LRRC4C: variants seen among roughly 807,000 people sequenced by gnomAD.
LRRC4C encodes the protein leucine-rich repeat-containing protein 4C.
LRRC4C carries 5 observed loss-of-function variants against 33.6 expected under a neutral mutation model. The ratio of observed to expected loss-of-function variants is 0.15; its 90% CI spans 0.08 to 0.31. The LOEUF is 0.31. LRRC4C is among the 10% of genes least tolerant of loss of function. The probability of loss-of-function intolerance (pLI) is 1.00; values close to 1 mark genes in which losing one functional copy is unlikely to be tolerated. For missense variants in LRRC4C, 560 were observed against 796.7 expected (o/e 0.70, Z 3.58); for synonymous variants, 329 against 302.0 (o/e 1.09, Z -0.93).
intron 2 of LRRC4C, among the ~76,000 whole-genome samples, chr11:40,732,729 T>C (rs1947654393): frequency 1.3e-5 from 2 of 152,208 alleles, no homozygotes; most frequent in African/African-American, 4.8e-5. Flanking sequence ...TTTAATCTTT[T>C]TAAAGTTAAC....
chr11:40,904,391 T>G (rs1000679111), intron 2 of LRRC4C, among the ~76,000 whole-genome samples: 5 of 151,548 alleles, frequency 3.3e-5, no homozygotes, highest in Non-Finnish European at 7.4e-5. Context: ...ATAGCACATC[T>G]GCTGGCAAAA....
chr11:40,551,795 G>A (rs1957136870), intron 3 of LRRC4C, among the ~76,000 whole-genome samples: 1 of 152,216 alleles, frequency 6.6e-6, no homozygotes, highest in South Asian at 2.1e-4. Flanking sequence ...ATTCAACTCA[G>A]AGAAGAAGTT....
intron 2 of LRRC4C, among the ~76,000 whole-genome samples, chr11:40,760,627 T>C (rs1362248759): frequency 5.3e-5 from 8 of 151,244 alleles, no homozygotes; most frequent in Non-Finnish European, 8.8e-5. Flanking sequence ...TTTTTATTTT[T>C]TGAGATGGGG....
At chr11:40,130,374 A>G (rs1017444483) in intron 6 of LRRC4C, among the ~76,000 whole-genome samples, 6 of 151,566 alleles carry the variant, frequency 4.0e-5, no homozygotes, top group African/African-American at 1.5e-4. Flanking sequence ...TTTTTTCTTC[A>G]AGTTCAAGGG....
At chr11:40,803,886 C>T (rs904112413) in intron 2 of LRRC4C, among the ~76,000 whole-genome samples, 7 of 152,152 alleles carry the variant, frequency 4.6e-5, no homozygotes, top group Non-Finnish European at 1.0e-4. Context: ...GACTATCTAT[C>T]CACTCAAGCA....
intron 2 of LRRC4C, among the ~76,000 whole-genome samples, chr11:40,698,172 A>G (rs1945674924): frequency 6.6e-6 from 1 of 152,092 alleles, no homozygotes; most frequent in African/African-American, 2.4e-5. Context: ...AAACAAATGA[A>G]CATTTAAAAA....
intron 1 of LRRC4C, among the ~76,000 whole-genome samples, chr11:41,427,030 A>C (rs1036565955): frequency 4.1e-4 from 63 of 152,302 alleles, no homozygotes; most frequent in African/African-American, 1.4e-3. Flanking sequence ...CCAATTTGAT[A>C]ATTTCAGGGA....
intron 1 of LRRC4C, among the ~76,000 whole-genome samples, chr11:41,225,786 T>A (rs562861250): frequency 1.3e-5 from 2 of 152,264 alleles, no homozygotes; most frequent in East Asian, 3.9e-4. Flanking sequence ...CTTTTCTGTG[T>A]CTTAAGCCTA....
intron 1 of LRRC4C, among the ~76,000 whole-genome samples, chr11:41,081,880 A>G (rs934394286): frequency 3.9e-5 from 6 of 152,190 alleles, no homozygotes; most frequent in African/African-American, 9.6e-5. Flanking sequence ...TTAATTATGC[A>G]TAAAAACGAG....
At chr11:40,984,350 GAGAAAGAAAGAAAAAAGAAAGAA>G (rs1432663202) in intron 1 of LRRC4C, among the ~76,000 whole-genome samples, 2 of 96,192 alleles carry the variant, frequency 2.1e-5, no homozygotes, top group South Asian at 6.8e-4. Flanking sequence ...AAGTAGGAAA[GAGAAAGAAAGAAAAAAGAAAGAA>G]AGAAAGAAAG....
chr11:41,049,247 G>C (rs945976904), intron 1 of LRRC4C, among the ~76,000 whole-genome samples: 2 of 152,092 alleles, frequency 1.3e-5, no homozygotes, highest in Non-Finnish European at 2.9e-5. Flanking sequence ...GGTTTTATAA[G>C]GGGTTTCCTT....
intron 3 of LRRC4C, among the ~76,000 whole-genome samples, chr11:40,565,879 A>G (rs571566017): frequency 4.6e-5 from 7 of 152,088 alleles, no homozygotes; most frequent in Admixed American, 6.6e-5. Context: ...GACAATTTCT[A>G]TAATTCAGAA....
intron 5 of LRRC4C, among the ~76,000 whole-genome samples, chr11:40,142,235 T>A (rs922650866): frequency 1.6e-5 from 2 of 128,894 alleles, no homozygotes; most frequent in South Asian, 5.0e-4. Context: ...GCCAAGATCA[T>A]GCCACTGCAC....
At chr11:40,962,542 G>T (rs571162570) in intron 1 of LRRC4C, among the ~76,000 whole-genome samples, 3 of 151,640 alleles carry the variant, frequency 2.0e-5, no homozygotes, top group African/African-American at 7.3e-5. Context: ...ACTTAAATAC[G>T]GATAAAATCA....
chr11:40,814,195 C>T (rs1374374663), intron 2 of LRRC4C, among the ~76,000 whole-genome samples: 1 of 152,228 alleles, frequency 6.6e-6, no homozygotes. Flanking sequence ...GCTGCCTGAA[C>T]ATTCAGGCAT....
intron 1 of LRRC4C, among the ~76,000 whole-genome samples, chr11:40,958,076 T>C (rs1246142033): frequency 6.6e-6 from 1 of 151,638 alleles, no homozygotes; most frequent in African/African-American, 2.4e-5. Flanking sequence ...GAAGACACAG[T>C]GAGAAGACAG....
At chr11:40,426,354 T>A (rs975046219) in intron 3 of LRRC4C, among the ~76,000 whole-genome samples, 20 of 149,738 alleles carry the variant, frequency 1.3e-4, no homozygotes, top group African/African-American at 4.9e-4. Flanking sequence ...ACAACTCTCA[T>A]ATTCCTCACT....
intron 1 of LRRC4C, among the ~76,000 whole-genome samples, chr11:41,256,329 A>C (rs958305213): frequency 6.6e-6 from 1 of 151,974 alleles, no homozygotes; most frequent in Non-Finnish European, 1.5e-5. Context: ...GAAGTAACAC[A>C]CTATTGTTCT....
At chr11:40,521,597 G>A (rs1316676781) in intron 3 of LRRC4C, among the ~76,000 whole-genome samples, 5 of 152,116 alleles carry the variant, frequency 3.3e-5, no homozygotes, top group South Asian at 2.1e-4. Flanking sequence ...TAGGCCAGGC[G>A]CGGTGGCTCA....
Sources: gnomAD v4.1 joint callset for allele counts (sites outside exome capture counted in the v4.1 genomes callset) on GRCh38, gnomAD v4.1.1 for gene constraint, MANE v1.5 for transcripts, NCBI Gene and HGNC (gene_info 2026-07-23, HGNC 2026-07-21) for gene names.